The following SRGAP3 variants were observed in gnomAD, a reference collection of about 807,000 sequenced individuals.
SRGAP3 encodes SLIT-ROBO Rho GTPase activating protein 3.
In SRGAP3, 39 loss-of-function variants were observed where a neutral mutation model predicts 121.1. That is an observed-to-expected ratio of 0.32 (90% CI 0.25 to 0.42). The LOEUF (loss-of-function observed/expected upper bound fraction) is 0.42, where lower values mean the gene tolerates loss of function less well. Ranked by LOEUF, SRGAP3 falls within the 10% of genes least tolerant of loss-of-function variation. The pLI, the probability that SRGAP3 is intolerant of heterozygous loss-of-function variation, is 1.00. For missense variants in SRGAP3, 1,213 were observed against 1,470.6 expected, an observed-to-expected ratio of 0.82 and a Z score of 2.86; for synonymous variants, 601 against 570.0, an observed-to-expected ratio of 1.05 and a Z score of -0.77.
intron 9 of SRGAP3, among the ~76,000 whole-genome samples, chr3:9,049,848 A>G (rs1338350670): frequency 3.4e-5 from 5 of 148,476 alleles, no homozygotes; most frequent in African/African-American, 1.3e-4. Context: ...ATGTTGGCTC[A>G]CTGCAATCTC....
chr3:9,254,960 A>G (rs576427507), intron 3 of SRGAP3, among the ~76,000 whole-genome samples: 246 of 151,426 alleles, frequency 1.6e-3, no homozygotes, highest in Admixed American at 2.6e-3. Flanking sequence ...AGAAAGAGAA[A>G]AGAAAGAAAG....
intron 3 of SRGAP3, among the ~76,000 whole-genome samples, chr3:9,102,074 G>T (rs1018764362): frequency 5.9e-5 from 9 of 152,234 alleles, no homozygotes; most frequent in African/African-American, 2.2e-4. Context: ...CCTAGAAGCC[G>T]CTCCCATCTC....
Position 9,276,704 on chromosome 3 carries a change from C to T in SRGAP3, n.442+49306G>A, listed in dbSNP as rs984348583. Among the ~76,000 whole-genome samples, 3 of 152,200 alleles carry T rather than the reference C, an allele frequency of 2.0e-5. No homozygotes were observed. In the East Asian group the frequency reaches 5.8e-4, roughly 29 times the overall value. ...CCTCCCAAAGTGCTAGAATTACAGG[C>T]GTAAGCCACCGCATCCAGCCGAATT... is the stretch of plus-strand genomic sequence containing the variant. On this transcript the variant is annotated intron_variant and non_coding_transcript_variant, in intron 3 of 3. Transcript: ENST00000490889.
intron 3 of SRGAP3, among the ~76,000 whole-genome samples, chr3:9,101,412 C>T (rs1227866072): frequency 6.6e-6 from 1 of 152,228 alleles, no homozygotes; most frequent in Non-Finnish European, 1.5e-5. Context: ...AGCCCTGCAG[C>T]GCCCCAGCCA....
intron 1 of SRGAP3, among the ~76,000 whole-genome samples, chr3:9,136,400 C>CT (rs1949658154): frequency 4.5e-5 from 3 of 67,132 alleles, no homozygotes; most frequent in South Asian, 1.3e-3. Context: ...TGGGACCCCC[C>CT]CCCCCCCCGA....
intron 1 of SRGAP3, chr3:9,217,956 G>T (rs1178750705): frequency 6.6e-6 from 1 of 152,080 alleles, no homozygotes; most frequent in East Asian, 1.9e-4. Flanking sequence ...CGCAGCAGGG[G>T]GTACACTACA....
chr3:9,151,854 A>T (rs1475421782), intron 1 of SRGAP3, among the ~76,000 whole-genome samples: 1 of 152,348 alleles, frequency 6.6e-6, no homozygotes, highest in East Asian at 1.9e-4. Flanking sequence ...GGACAGGGTC[A>T]GAGATAAGCA....
At chr3:9,286,600 G>C (rs138509267) in intron 3 of SRGAP3, among the ~76,000 whole-genome samples, 2 of 151,888 alleles carry the variant, frequency 1.3e-5, no homozygotes, top group Non-Finnish European at 2.9e-5. Flanking sequence ...TGTTTTTGTC[G>C]TTGTTGTTGT....
In SRGAP3 at chr3:9,010,289, C is replaced by T; in HGVS notation, c.2227+19G>A. 1 of 1,614,094 alleles carries T rather than the reference C, an allele frequency of 6.2e-7. No individual in the cohort carries two copies. The highest frequency in any genetic ancestry group is 8.5e-7 in the Non-Finnish European group (1 of 1,179,970). ...GGCCCCAGGAAGAATCCCTTGTCCC[C>T]AGGATCCCCCTCACTCACCTTCATC... On this transcript the variant is annotated intron_variant, in intron 18 of 21. Transcript: ENST00000383836.
intron 17 of SRGAP3, 27 bp from the exon 18 acceptor site, chr3:9,010,414 C>G (rs1473303643): frequency 6.2e-7 from 1 of 1,613,536 alleles, no homozygotes; most frequent in Admixed American, 1.7e-5. Context: ...GAATGGGACT[C>G]ACTGCGGGGG....
intron 3 of SRGAP3, among the ~76,000 whole-genome samples, chr3:9,263,069 A>G (rs540781612): frequency 3.3e-5 from 5 of 152,354 alleles, no homozygotes; most frequent in African/African-American, 1.2e-4. Flanking sequence ...AAGTTCATTC[A>G]AAACCACACA....
At chr3:9,117,635 GGT>G (rs1266718947) in intron 2 of SRGAP3, among the ~76,000 whole-genome samples, 1 of 152,110 alleles carries the variant, frequency 6.6e-6, no homozygotes, top group African/African-American at 2.4e-5. Flanking sequence ...ATTTTCATCA[GGT>G]ACAGCTCCTG....
upstream of SRGAP3, among the ~76,000 whole-genome samples, chr3:9,253,276 A>G (rs1471575193): frequency 2.6e-5 from 4 of 152,248 alleles, no homozygotes; most frequent in Admixed American, 6.5e-5. Flanking sequence ...CAGCATAGGA[A>G]TAATTGCTAT....
At chr3:9,022,600 G>A (rs1280184101) in intron 14 of SRGAP3, among the ~76,000 whole-genome samples, 1 of 152,138 alleles carries the variant, frequency 6.6e-6, no homozygotes, top group Non-Finnish European at 1.5e-5. Flanking sequence ...GCCAAACCCA[G>A]GGCATATGCT....
At chr3:9,222,972 C>T (rs898546967) in intron 1 of SRGAP3, among the ~76,000 whole-genome samples, 1 of 152,224 alleles carries the variant, frequency 6.6e-6, no homozygotes, top group African/African-American at 2.4e-5. Context: ...GCCTCTGAGC[C>T]ACACTCCACA....
chr3:9,172,043 T>A (rs941807880), intron 1 of SRGAP3, among the ~76,000 whole-genome samples: 2 of 152,018 alleles, frequency 1.3e-5, no homozygotes, highest in Admixed American at 6.6e-5. Context: ...CAATTCTCCC[T>A]TTTTATTAGT....
At chr3:9,123,850 T>A (rs1284108290) in intron 2 of SRGAP3, among the ~76,000 whole-genome samples, 5 of 150,310 alleles carry the variant, frequency 3.3e-5, no homozygotes, top group Non-Finnish European at 7.4e-5. Flanking sequence ...CAGGATCAGG[T>A]CAGGTGAGAT....
intron 1 of SRGAP3, among the ~76,000 whole-genome samples, chr3:9,132,786 T>C (rs538785356): frequency 6.6e-6 from 1 of 152,278 alleles, no homozygotes; most frequent in African/African-American, 2.4e-5. Flanking sequence ...ATAGACTTTA[T>C]TTTTATAGCA....
At chr3:9,151,368 G>A (rs909841938) in intron 1 of SRGAP3, among the ~76,000 whole-genome samples, 2 of 152,200 alleles carry the variant, frequency 1.3e-5, no homozygotes, top group African/African-American at 4.8e-5. Flanking sequence ...GGAGAACGTG[G>A]AAGGGCAGCT....
Sources: allele counts gnomAD v4.1 joint callset (sites outside exome capture counted in the v4.1 genomes callset), GRCh38; gene constraint gnomAD v4.1.1; transcripts MANE v1.5; gene names NCBI Gene and HGNC (gene_info 2026-07-23, HGNC 2026-07-21).